The following ESRRB variants were observed in gnomAD, a reference collection of about 807,000 sequenced individuals.
ESRRB encodes steroid hormone receptor ERR2.
A neutral mutation model predicts 46.0 loss-of-function variants in ESRRB; 16 were observed. The ratio of observed to expected loss-of-function variants is 0.35; its 90% confidence interval spans 0.24 to 0.53. The LOEUF (loss-of-function observed/expected upper bound fraction) is 0.53, where lower values mean the gene tolerates loss of function less well. Ranked by LOEUF, ESRRB falls within the 20% of genes least tolerant of loss-of-function variation. ESRRB has a pLI of 0.93. For synonymous variants in ESRRB, 246 were observed against 259.6 expected (o/e 0.95, Z 0.50); for missense variants, 488 against 607.4 (o/e 0.80, Z 2.07).
In ESRRB at chr14:76,376,259, C is replaced by G; in HGVS notation, c.-143C>G. 2 of 492,114 alleles carry G rather than the reference C, an allele frequency of 4.1e-6. No homozygotes were observed. The highest frequency in any genetic ancestry group is 3.2e-6 in the Non-Finnish European group (1 of 312,396). 30.5% of individuals were successfully genotyped at this position (492,114 alleles called of 1,614,324 possible). A position where few individuals can be genotyped will look rare whatever the true frequency, so the allele number is the denominator to read the frequency against. ...CGGCTCTCTGCCTCCCTCTCCCCCGCCGCGGCCGCCTCCTCCCACTCTGCG... is the reference window on the plus strand; with the variant it reads ...CGGCTCTCTGCCTCCCTCTCCCCCGGCGCGGCCGCCTCCTCCCACTCTGCG... On this transcript the variant is annotated 5_prime_UTR_variant, in exon 1 of 7. Coordinates refer to ENST00000644823, the MANE Select transcript of ESRRB (RefSeq NM_001379180.1). The surrounding 1 kb of genome is among the most constrained non-coding windows in gnomAD (Gnocchi z 4.1).
intron 3 of ESRRB, among the ~76,000 whole-genome samples, chr14:76,468,156 A>G (rs542298077): frequency 6.6e-6 from 1 of 152,308 alleles, no homozygotes; most frequent in African/African-American, 2.4e-5. Context: ...TTGTATTTAT[A>G]GAGTATTCTG....
At chr14:76,350,132 C>G (rs1884296609) in intron 1 of ESRRB, among the ~76,000 whole-genome samples, 1 of 152,246 alleles carries the variant, frequency 6.6e-6, no homozygotes, top group Admixed American at 6.5e-5. Context: ...GGGAGGTTCC[C>G]ATGAAGGGCT....
intron 1 of ESRRB, among the ~76,000 whole-genome samples, chr14:76,347,036 A>G (rs958447285): frequency 1.3e-5 from 2 of 152,066 alleles, no homozygotes; most frequent in East Asian, 1.9e-4. Flanking sequence ...AGATGCCACT[A>G]TGGGGGCTGT....
upstream of ESRRB, among the ~76,000 whole-genome samples, chr14:76,368,196 A>G (rs530913037): frequency 2.0e-5 from 3 of 148,360 alleles, no homozygotes; most frequent in South Asian, 6.4e-4. Context: ...GATCGTCTCA[A>G]TCTCCTGACC....
chr14:76,327,499 G>GATGATC (rs1317982310), intron 1 of ESRRB, among the ~76,000 whole-genome samples: 3 of 152,070 alleles, frequency 2.0e-5, no homozygotes, highest in Admixed American at 6.6e-5. Context: ...TGATGATGAT[G>GATGATC]ATGATGATGA....
At chr14:76,321,751 G>C (rs1383974291) in intron 1 of ESRRB, among the ~76,000 whole-genome samples, 1 of 152,176 alleles carries the variant, frequency 6.6e-6, no homozygotes, top group Non-Finnish European at 1.5e-5. Flanking sequence ...TGGAACAACT[G>C]AAAGATGGTA....
At chr14:76,416,687 T>C (rs1886718967) in intron 1 of ESRRB, among the ~76,000 whole-genome samples, 1 of 151,728 alleles carries the variant, frequency 6.6e-6, no homozygotes, top group Non-Finnish European at 1.5e-5. Context: ...CAGGCTGGTC[T>C]CGAACTCCTG....
At chr14:76,469,286 G>T (rs9944094) in intron 3 of ESRRB, among the ~76,000 whole-genome samples, 21,741 of 151,962 alleles carry the variant, frequency 0.14, 1,829 homozygotes, top group Middle Eastern at 0.21. Flanking sequence ...GTAGAGACAG[G>T]GTTTCACCAT....
chr14:76,330,973 G>T (rs569878641), intron 1 of ESRRB, among the ~76,000 whole-genome samples: 1 of 152,244 alleles, frequency 6.6e-6, no homozygotes, highest in East Asian at 1.9e-4. Flanking sequence ...AGATGGCATT[G>T]CCCTGCCCTG....
At chr14:76,364,679 G>A (rs189829103) in intron 1 of ESRRB, among the ~76,000 whole-genome samples, 27 of 143,968 alleles carry the variant, frequency 1.9e-4, no homozygotes, top group African/African-American at 6.3e-4. Context: ...GCAACAGAGC[G>A]AGATCCTGTC....
intron 1 of ESRRB, among the ~76,000 whole-genome samples, chr14:76,384,961 C>T (rs570499257): frequency 1.3e-5 from 2 of 152,254 alleles, no homozygotes; most frequent in East Asian, 3.9e-4. Context: ...TTCCATGTCC[C>T]TTCTTGTGAT....
chr14:76,483,092 A>G (rs761954978), intron 5 of ESRRB, among the ~76,000 whole-genome samples: 1 of 152,230 alleles, frequency 6.6e-6, no homozygotes, highest in Non-Finnish European at 1.5e-5. Context: ...GTTTTCTTGT[A>G]GACCTTATTG....
At chr14:76,332,591 T>TA (rs1400853714) in intron 1 of ESRRB, among the ~76,000 whole-genome samples, 48 of 23,384 alleles carry the variant, frequency 2.1e-3, no homozygotes, top group Admixed American at 3.7e-3. Flanking sequence ...TATATTTATA[T>TA]ATTATATATT....
chr14:76,359,188 C>A (rs984796866), intron 1 of ESRRB, among the ~76,000 whole-genome samples: 1 of 152,234 alleles, frequency 6.6e-6, no homozygotes. Context: ...TTCCTATGAT[C>A]ATCTGGCACT....
intron 1 of ESRRB, among the ~76,000 whole-genome samples, chr14:76,360,036 G>T (rs1207756642): frequency 6.6e-6 from 1 of 152,132 alleles, no homozygotes; most frequent in Non-Finnish European, 1.5e-5. Context: ...AAAGAAATAA[G>T]GCTAAAGTCA....
At chr14:76,379,581 C>T (rs1884922967) in intron 1 of ESRRB, among the ~76,000 whole-genome samples, 1 of 152,046 alleles carries the variant, frequency 6.6e-6, no homozygotes, top group Non-Finnish European at 1.5e-5. Context: ...AGGAAATAAA[C>T]CTTTATGTGC....
chr14:76,455,450 C>T (rs548171614), intron 2 of ESRRB, among the ~76,000 whole-genome samples: 1 of 152,148 alleles, frequency 6.6e-6, no homozygotes, highest in African/African-American at 2.4e-5. Context: ...CACACACACA[C>T]GATCATCCCG....
intron 1 of ESRRB, among the ~76,000 whole-genome samples, chr14:76,381,352 C>T (rs1053477707): frequency 2.0e-5 from 3 of 152,132 alleles, no homozygotes; most frequent in Admixed American, 6.5e-5. Context: ...CCTCCTGCCA[C>T]TGGTGAGGCT....
At chr14:76,488,302 G>A (rs779955256) in intron 5 of ESRRB, among the ~76,000 whole-genome samples, 1 of 152,166 alleles carries the variant, frequency 6.6e-6, no homozygotes. Flanking sequence ...TTTTGAAAAT[G>A]TTCAGGGAGG....
Sources: gnomAD v4.1 joint callset for allele counts (sites outside exome capture counted in the v4.1 genomes callset) on GRCh38, gnomAD v4.1.1 for gene constraint, Gnocchi (gnomAD v3.1) non-coding constraint, MANE v1.5 for transcripts, NCBI Gene and HGNC (gene_info 2026-07-23, HGNC 2026-07-21) for gene names.